Variants in CDK6 observed in about 807,000 individuals in gnomAD.
The protein encoded by CDK6 is cyclin dependent kinase 6.
A neutral mutation model predicts 37.1 loss-of-function variants in CDK6; 6 were observed. That is an observed-to-expected ratio of 0.16 (90% CI 0.09 to 0.32). The LOEUF is 0.32. Ranked by LOEUF, CDK6 falls within the 10% of genes least tolerant of loss-of-function variation. The pLI is 1.00. For synonymous variants in CDK6, 160 were observed against 161.3 expected, an observed-to-expected ratio of 0.99 and a Z score of 0.06; for missense variants, 224 against 418.9, an observed-to-expected ratio of 0.53 and a Z score of 4.06.
chr7:92,686,968 T>A (rs60726864), intron 4 of CDK6, among the ~76,000 whole-genome samples: 10,073 of 152,202 alleles, frequency 0.066, 680 homozygotes, highest in East Asian at 0.33. Flanking sequence ...TTCAAAGGAA[T>A]GTTTGTGGTT....
intron 4 of CDK6, among the ~76,000 whole-genome samples, chr7:92,672,158 T>C (rs1427157168): frequency 5.8e-5 from 6 of 102,726 alleles, no homozygotes; most frequent in South Asian, 7.6e-4. Flanking sequence ...TATATATATA[T>C]ATACACATAC....
intron 3 of CDK6, among the ~76,000 whole-genome samples, chr7:92,744,492 A>G (rs938421350): frequency 3.3e-5 from 5 of 152,172 alleles, no homozygotes; most frequent in South Asian, 2.1e-4. Flanking sequence ...TCAAGGTGAG[A>G]TTTGGGTGGG....
At chr7:92,750,958 C>A (rs1197642318) in intron 3 of CDK6, among the ~76,000 whole-genome samples, 2 of 152,154 alleles carry the variant, frequency 1.3e-5, no homozygotes, top group Non-Finnish European at 2.9e-5. Flanking sequence ...TAAACTACTA[C>A]ACGATTTATT....
At chr7:92,645,350 GCTTAT>G (rs1284904610) in intron 5 of CDK6, among the ~76,000 whole-genome samples, 7 of 152,156 alleles carry the variant, frequency 4.6e-5, no homozygotes. Flanking sequence ...AAAAGATGAG[GCTTAT>G]CTTGTTTTTA....
At chr7:92,660,257 A>AC (rs1585377092) in intron 5 of CDK6, among the ~76,000 whole-genome samples, 1 of 152,208 alleles carries the variant, frequency 6.6e-6, no homozygotes, top group African/African-American at 2.4e-5. Flanking sequence ...ATAGGTACAG[A>AC]CACAATGCTA....
intron 4 of CDK6, among the ~76,000 whole-genome samples, chr7:92,676,092 TA>T (rs1447343441): frequency 6.6e-6 from 1 of 152,020 alleles, no homozygotes; most frequent in African/African-American, 2.4e-5. Context: ...TTTTATCTTT[TA>T]AAATTTTCTC....
chr7:92,803,844 C>T (rs1465412199), intron 2 of CDK6, among the ~76,000 whole-genome samples: 1 of 152,114 alleles, frequency 6.6e-6, no homozygotes, highest in Admixed American at 6.5e-5. Flanking sequence ...ATCTATTAGA[C>T]TTGGTTAATA....
intron 4 of CDK6, among the ~76,000 whole-genome samples, chr7:92,680,469 A>C (rs1797309796): frequency 6.7e-6 from 1 of 149,560 alleles, no homozygotes; most frequent in East Asian, 1.9e-4. Context: ...AAAAGCATTA[A>C]ATACCCATAA....
In CDK6 at chr7:92,835,664, C is replaced by T. The variant is rs1801644359; in HGVS notation, c.-368+814G>A. On this transcript the variant is annotated intron_variant, in intron 1 of 7. Coordinates refer to ENST00000424848, the MANE Select transcript of CDK6 (RefSeq NM_001145306.2). The surrounding 1 kb of genome is among the most constrained non-coding windows in gnomAD (Gnocchi z 4.2). ...TCAATGAAATCCTTCATGCGCCTCT[C>T]CCGAAGCCTGCCAAGCACCACAAGG... is the stretch of plus-strand genomic sequence containing the variant. 6.6e-6 allele frequency among the ~76,000 whole-genome samples: 1 copy of T among 152,222 alleles called. No homozygotes were observed. The highest frequency in any genetic ancestry group is 2.4e-5 in the African/African-American group (1 of 41,454).
chr7:92,672,228 C>CA (rs1304931099), intron 4 of CDK6, among the ~76,000 whole-genome samples: 49 of 143,734 alleles, frequency 3.4e-4, no homozygotes, highest in African/African-American at 1.3e-3. Context: ...CACACACACA[C>CA]ACACACACAC....
chr7:92,649,576 A>G (rs1326076627), intron 5 of CDK6, among the ~76,000 whole-genome samples: 1 of 152,364 alleles, frequency 6.6e-6, no homozygotes, highest in Non-Finnish European at 1.5e-5. Flanking sequence ...TATTGCTTCC[A>G]ATTGATGTGC....
chr7:92,622,839 A>G (rs1333968654), intron 6 of CDK6, among the ~76,000 whole-genome samples, 197 bp downstream of exon 6: 1 of 152,126 alleles, frequency 6.6e-6, no homozygotes, highest in Non-Finnish European at 1.5e-5. Context: ...AAGCTTCCAG[A>G]GCAGAGCAGT....
At chr7:92,803,536 T>C (rs1800643941) in intron 2 of CDK6, among the ~76,000 whole-genome samples, 1 of 152,168 alleles carries the variant, frequency 6.6e-6, no homozygotes. Flanking sequence ...AGGCTCCGTT[T>C]GAGAGCCATG....
chr7:92,772,169 A>G (rs985403753), intron 3 of CDK6, among the ~76,000 whole-genome samples: 2 of 152,180 alleles, frequency 1.3e-5, no homozygotes, highest in African/African-American at 4.8e-5. Flanking sequence ...CTTATATTTA[A>G]TAAGGAAGGA....
chr7:92,618,266 A>T (rs2116485439), intron 6 of CDK6, 59 bp from the exon 7 acceptor site: 1 of 1,581,862 alleles, frequency 6.3e-7, no homozygotes, highest in Non-Finnish European at 8.6e-7. Context: ...CTGTTTTCTC[A>T]TCAATTTCCA....
chr7:92,615,682 A>G (rs1795660847), intron 7 of CDK6, among the ~76,000 whole-genome samples: 1 of 152,164 alleles, frequency 6.6e-6, no homozygotes, highest in Admixed American at 6.5e-5. Context: ...AATTAATACC[A>G]AGGTGCCACA....
chr7:92,750,792 C>G (rs1016207179), intron 3 of CDK6, among the ~76,000 whole-genome samples: 4 of 152,050 alleles, frequency 2.6e-5, no homozygotes, highest in Admixed American at 1.3e-4. Flanking sequence ...TTTTTGCAAG[C>G]CTTTCTTTGG....
In CDK6 at chr7:92,777,258, A is replaced by T. The variant is rs189908707; in HGVS notation, c.234-2427T>A. Among the ~76,000 whole-genome samples the T allele has an allele frequency of 7.9e-5, 12 of 151,384 alleles. No homozygotes were observed. The East Asian group carries it at 2.3e-3, about 29-fold the overall frequency. The stretch of plus-strand genomic sequence containing the variant: ...TGTTTTTTTTTCCTTTTTGTGAAGG[A>T]GTTTCGCTCTTGTTGCCCAGGCTGG... On this transcript the variant is annotated intron_variant, in intron 2 of 7. Coordinates refer to ENST00000424848, the MANE Select transcript of CDK6 (RefSeq NM_001145306.2).
At chr7:92,658,581 TTCTCTCTCTC>T (rs3839839) in intron 5 of CDK6, among the ~76,000 whole-genome samples, 4 of 146,440 alleles carry the variant, frequency 2.7e-5, no homozygotes, top group African/African-American at 7.6e-5. Context: ...CTCTCTCTCT[TTCTCTCTCTC>T]TCTCTCTCTC....
Sources: allele counts gnomAD v4.1 joint callset (sites outside exome capture counted in the v4.1 genomes callset), GRCh38; gene constraint gnomAD v4.1.1; non-coding constraint Gnocchi (gnomAD v3.1); transcripts MANE v1.5; gene names NCBI Gene and HGNC (gene_info 2026-07-23, HGNC 2026-07-21).